EVI5: variants seen among roughly 807,000 people sequenced by gnomAD.
EVI5 encodes ecotropic viral integration site 5 protein homolog.
In EVI5, 73 loss-of-function variants were observed where a neutral mutation model predicts 112.0. The ratio of observed to expected loss-of-function variants is 0.65; its 90% CI spans 0.54 to 0.79. EVI5 has a LOEUF of 0.79. Ranked by LOEUF, EVI5 falls within the 30% of genes least tolerant of loss-of-function variation. The pLI is 0.00. For synonymous variants in EVI5, 305 were observed against 319.9 expected (o/e 0.95, Z 0.50); for missense variants, 900 against 968.8 (o/e 0.93, Z 0.94).
In EVI5 at chr1:92,784,813, C is replaced by T. The variant is rs114068119; in HGVS notation, c.-82+23G>A. 7,495 of 985,564 alleles carry T rather than the reference C, an allele frequency of 7.6e-3. 239 individuals are homozygous for T. In the African/African-American group the frequency reaches 0.083, roughly 11 times the overall value. 61.1% of individuals were successfully genotyped at this position (985,564 alleles called of 1,614,324 possible). On this transcript the variant is annotated intron_variant, in intron 1 of 19. Coordinates refer to ENST00000684568, the MANE Select transcript of EVI5 (RefSeq NM_001350197.2). The stretch of plus-strand genomic sequence containing the variant: ...CGCCCGCCCGGCCTCCCGGCCCGCC[C>T]GGCCTGGCGCAGCGCCCCTCACCTT...
At chr1:92,576,226 C>A (rs1295210211) in intron 18 of EVI5, among the ~76,000 whole-genome samples, 3 of 150,110 alleles carry the variant, frequency 2.0e-5, no homozygotes, top group Non-Finnish European at 2.9e-5. Flanking sequence ...ACATGTCCTA[C>A]ACATATGTAT....
In EVI5 at chr1:92,511,847, C is replaced by T. The variant is rs1251931392; in HGVS notation, c.*1809G>A. The T allele has an allele frequency of 1.3e-5, 2 of 152,094 alleles. No individual in the cohort carries two copies. The highest frequency in any genetic ancestry group is 2.4e-5 in the African/African-American group (1 of 41,398). 9.4% of individuals were successfully genotyped at this position (152,094 alleles called of 1,614,324 possible). On this transcript the variant is annotated 3_prime_UTR_variant, in exon 20 of 20. Coordinates refer to ENST00000684568, the MANE Select transcript of EVI5 (RefSeq NM_001350197.2). The stretch of plus-strand genomic sequence containing the variant: ...GCTGGAAAGCCTAGTCCACAACGTA[C>T]CTGAAGGCTTAACTCCTAGTTTTTG...
intron 6 of EVI5, among the ~76,000 whole-genome samples, chr1:92,695,912 G>A (rs765795507): frequency 2.6e-5 from 4 of 151,642 alleles, no homozygotes; most frequent in Non-Finnish European, 4.4e-5. Context: ...AGCAACTCTA[G>A]TAATTCAAAA....
At chr1:92,718,833 A>G (rs1344808321) in intron 2 of EVI5, among the ~76,000 whole-genome samples, 1 of 152,198 alleles carries the variant, frequency 6.6e-6, no homozygotes, top group Non-Finnish European at 1.5e-5. Context: ...GAAGAATCAA[A>G]TAGACATAAT....
intron 13 of EVI5, among the ~76,000 whole-genome samples, chr1:92,640,042 G>A (rs775939564): frequency 5.3e-5 from 8 of 152,150 alleles, no homozygotes; most frequent in Non-Finnish European, 8.8e-5. Context: ...AATGGTGCTT[G>A]GAAAACTGGC....
At chr1:92,695,793 A>C (rs1010545715) in intron 6 of EVI5, among the ~76,000 whole-genome samples, 7 of 152,218 alleles carry the variant, frequency 4.6e-5, no homozygotes, top group Non-Finnish European at 1.0e-4. Flanking sequence ...AAAGACGTTT[A>C]AAAAGAAAAT....
chr1:92,716,406 A>G (rs1220238457), intron 2 of EVI5, among the ~76,000 whole-genome samples: 1 of 152,262 alleles, frequency 6.6e-6, no homozygotes, highest in African/African-American at 2.4e-5. Context: ...ACTAACAAAC[A>G]GAAAGGAATA....
At chr1:92,536,949 TA>T (rs1324175299) in intron 19 of EVI5, among the ~76,000 whole-genome samples, 12 of 152,314 alleles carry the variant, frequency 7.9e-5, no homozygotes, top group Non-Finnish European at 5.9e-5. Flanking sequence ...CTTATAATTA[TA>T]TAATGCTTTA....
At chr1:92,519,213 G>C (rs1202213556) in intron 19 of EVI5, among the ~76,000 whole-genome samples, 1 of 152,162 alleles carries the variant, frequency 6.6e-6, no homozygotes, top group Non-Finnish European at 1.5e-5. Context: ...ATGGAAGAAA[G>C]AGGAAGTCCA....
intron 2 of EVI5, among the ~76,000 whole-genome samples, chr1:92,712,304 C>T (rs932408219): frequency 1.3e-5 from 2 of 151,996 alleles, no homozygotes; most frequent in African/African-American, 2.4e-5. Flanking sequence ...AAGAAAGATA[C>T]CTAAATGACA....
chr1:92,528,313 T>C (rs1290803812), intron 19 of EVI5, among the ~76,000 whole-genome samples: 4 of 152,208 alleles, frequency 2.6e-5, no homozygotes, highest in Admixed American at 6.5e-5. Flanking sequence ...CTACACACTT[T>C]ATACCTAGAA....
intron 13 of EVI5, among the ~76,000 whole-genome samples, chr1:92,655,366 A>AT (rs1373410235): frequency 6.6e-6 from 1 of 151,866 alleles, no homozygotes; most frequent in East Asian, 1.9e-4. Flanking sequence ...TCAACCATGA[A>AT]TTTTTTATCC....
At chr1:92,770,089 G>C (rs1468613902) in intron 1 of EVI5, among the ~76,000 whole-genome samples, 2 of 152,158 alleles carry the variant, frequency 1.3e-5, no homozygotes, top group South Asian at 2.1e-4. Flanking sequence ...AACGCAGCTC[G>C]AGAAGCTAGA....
chr1:92,772,359 G>A (rs903376477), intron 1 of EVI5, among the ~76,000 whole-genome samples: 2 of 151,874 alleles, frequency 1.3e-5, no homozygotes, highest in African/African-American at 4.8e-5. Context: ...CACTTTGGGA[G>A]GCCAAGGCGG....
At chr1:92,563,836 T>A in intron 18 of EVI5, 99 bp from the exon 19 acceptor site, 1 of 586,602 alleles carries the variant, frequency 1.7e-6, no homozygotes, top group Non-Finnish European at 3.1e-6. Flanking sequence ...GCACATACCC[T>A]TTAATCACCT....
chr1:92,662,983 C>T (rs555379422), intron 12 of EVI5, 118 bp from the exon 13 acceptor site: 7 of 446,572 alleles, frequency 1.6e-5, no homozygotes, highest in Middle Eastern at 9.9e-4. Flanking sequence ...GTCACCTCAG[C>T]GAATAGAACA....
chr1:92,714,718 T>C (rs902857855), intron 2 of EVI5, among the ~76,000 whole-genome samples: 2 of 152,154 alleles, frequency 1.3e-5, no homozygotes, highest in Non-Finnish European at 2.9e-5. Context: ...GCCTCCTAGG[T>C]AGCTAGGACT....
intron 1 of EVI5, among the ~76,000 whole-genome samples, chr1:92,765,308 G>C (rs1682458836): frequency 7.0e-6 from 1 of 142,026 alleles, no homozygotes; most frequent in African/African-American, 2.6e-5. Context: ...TCCCACCTCA[G>C]CCTCTCAAAG....
chr1:92,747,670 C>T (rs758124665), intron 1 of EVI5, among the ~76,000 whole-genome samples: 6 of 148,370 alleles, frequency 4.0e-5, no homozygotes, highest in Non-Finnish European at 5.9e-5. Context: ...GCTGAGATCA[C>T]GCCACTGCAC....
Sources: allele counts gnomAD v4.1 joint callset (sites outside exome capture counted in the v4.1 genomes callset), GRCh38; gene constraint gnomAD v4.1.1; transcripts MANE v1.5; gene names NCBI Gene and HGNC (gene_info 2026-07-23, HGNC 2026-07-21).